Variants in CSMD1 observed in about 807,000 individuals in gnomAD.
CSMD1 encodes the protein CUB and Sushi multiple domains 1, also known as CUB and sushi domain-containing protein 1.
A neutral mutation model predicts 417.5 loss-of-function variants in CSMD1; 213 were observed. The ratio of observed to expected loss-of-function variants is 0.51; its 90% CI spans 0.46 to 0.57. The LOEUF (loss-of-function observed/expected upper bound fraction) is 0.57. CSMD1 is among the 20% of genes least tolerant of loss of function. The probability of loss-of-function intolerance (pLI) is 0.00; values close to 1 mark genes in which losing one functional copy is unlikely to be tolerated. For missense variants in CSMD1, 6,923 were observed against 4,529.7 expected, an observed-to-expected ratio of 1.53 and a Z score of -15.17; for synonymous variants, 2,862 against 1,736.8, an observed-to-expected ratio of 1.65 and a Z score of -16.11.
intron 10 of CSMD1, among the ~76,000 whole-genome samples, chr8:3,510,779 C>G (rs1160829842): frequency 2.0e-5 from 3 of 151,720 alleles, no homozygotes; most frequent in African/African-American, 7.3e-5. Context: ...GCTTTTTTGC[C>G]TATGTTTATT....
Position 3,854,110 on chromosome 8 carries a change from G to T in CSMD1, c.819-100068C>A, listed in dbSNP as rs7845131. ...GAAAAATTACATTATACTTTATATA[G>T]TTATATATTATACTTATATATATAA... is the stretch of plus-strand genomic sequence containing the variant. On this transcript the variant is annotated intron_variant, in intron 5 of 69. Transcript: ENST00000635120. Among the ~76,000 whole-genome samples the T allele has an allele frequency of 8.3e-5, 12 of 143,928 alleles. No homozygotes were observed. The East Asian group carries it at 2.0e-3, about 24-fold the overall frequency. 94.4% of individuals were successfully genotyped at this position (143,928 alleles called of 152,430 possible). A position where few individuals can be genotyped will look rare whatever the true frequency, so the allele number is the denominator to read the frequency against.
intron 12 of CSMD1, among the ~76,000 whole-genome samples, chr8:3,424,192 G>T (rs1002565885): frequency 1.6e-4 from 25 of 152,034 alleles, no homozygotes; most frequent in Non-Finnish European, 3.1e-4. Flanking sequence ...TATGATATTT[G>T]TTTAGTACAG....
intron 18 of CSMD1, among the ~76,000 whole-genome samples, chr8:3,386,177 G>A (rs536000165): frequency 6.6e-6 from 1 of 152,146 alleles, no homozygotes; most frequent in South Asian, 2.1e-4. Flanking sequence ...AAATGCCTCA[G>A]CTCATCTGCA....
chr8:3,360,158 T>C (rs1416442978), intron 20 of CSMD1, among the ~76,000 whole-genome samples: 4 of 152,212 alleles, frequency 2.6e-5, no homozygotes, highest in Admixed American at 2.6e-4. Flanking sequence ...TTATTTTCAA[T>C]CTGTAAACCA....
rs80087879 is a variant in CSMD1 at position 4,490,643 on chromosome 8, T to G, written c.303-70578A>C. Among the ~76,000 whole-genome samples, 384 of 152,180 alleles carry G rather than the reference T, an allele frequency of 2.5e-3. 1 individual carries two copies. The highest frequency in any genetic ancestry group is 8.8e-3 in the African/African-American group (366 of 41,518). ...AATCAGGAGAGGGAAAAATGCCCAT[T>G]TGACCCATGCTCAGAATGGTCTTAA... On this transcript the variant is annotated intron_variant, in intron 2 of 69. Coordinates refer to ENST00000635120, the MANE Select transcript of CSMD1 (RefSeq NM_033225.6).
intron 10 of CSMD1, among the ~76,000 whole-genome samples, chr8:3,538,867 TA>T (rs1798317910): frequency 6.6e-6 from 1 of 152,180 alleles, no homozygotes; most frequent in African/African-American, 2.4e-5. Context: ...TAAGTGTTCC[TA>T]GTTGTTCTCT....
intron 5 of CSMD1, among the ~76,000 whole-genome samples, chr8:3,845,475 T>A (rs1425244590): frequency 6.6e-6 from 1 of 152,146 alleles, no homozygotes; most frequent in Admixed American, 6.5e-5. Context: ...AAAATCAGCA[T>A]AAAAGATAGA....
chr8:3,154,240 G>A (rs1819378101), intron 39 of CSMD1, among the ~76,000 whole-genome samples: 1 of 152,178 alleles, frequency 6.6e-6, no homozygotes, highest in South Asian at 2.1e-4. Context: ...CCCGAAGTGA[G>A]GGGATTACAG....
At chr8:3,233,622 T>C (rs748633922) in intron 26 of CSMD1, among the ~76,000 whole-genome samples, 5 of 152,246 alleles carry the variant, frequency 3.3e-5, no homozygotes, top group African/African-American at 7.2e-5. Context: ...TGGCCGTTCA[T>C]ATAGTATTTG....
intron 47 of CSMD1, among the ~76,000 whole-genome samples, chr8:3,093,620 G>T (rs1036114337): frequency 6.6e-6 from 1 of 151,860 alleles, no homozygotes; most frequent in Admixed American, 6.6e-5. Flanking sequence ...GTGAGCTGAG[G>T]TTGTGCCATT....
intron 29 of CSMD1, among the ~76,000 whole-genome samples, chr8:3,214,920 C>T (rs899601409): frequency 2.6e-5 from 4 of 151,934 alleles, no homozygotes; most frequent in Non-Finnish European, 5.9e-5. Context: ...TTTTAAAAAC[C>T]ACATTTTGCT....
intron 6 of CSMD1, among the ~76,000 whole-genome samples, chr8:3,744,025 C>G (rs911038610): frequency 5.9e-5 from 9 of 152,290 alleles, no homozygotes; most frequent in African/African-American, 2.2e-4. Flanking sequence ...ATATCCTGCC[C>G]TTTCCCCTTC....
At chr8:4,212,132 G>A (rs184091112) in intron 3 of CSMD1, among the ~76,000 whole-genome samples, 73 of 151,104 alleles carry the variant, frequency 4.8e-4, no homozygotes, top group African/African-American at 1.7e-3. Flanking sequence ...AGGAGAAGAA[G>A]TGTCCTTTAT....
chr8:3,662,857 G>C (rs765852705), intron 7 of CSMD1, among the ~76,000 whole-genome samples: 13 of 152,114 alleles, frequency 8.5e-5, no homozygotes, highest in Non-Finnish European at 1.8e-4. Context: ...GGGAAAGAGG[G>C]GGGAGAGCAT....
At chr8:3,247,384 A>G (rs1343802114) in intron 26 of CSMD1, among the ~76,000 whole-genome samples, 2 of 152,018 alleles carry the variant, frequency 1.3e-5, no homozygotes, top group South Asian at 2.1e-4. Flanking sequence ...CAGTGAACCC[A>G]TGACATTGTG....
rs115697731 is a variant in CSMD1, at chr8:3,899,361, C to T, written c.818+98542G>A. ...GTGAGTTTGCTGGACAGATTCTCCG[C>T]CCTGGCACAAAGAGTGACTGAACAT... On this transcript the variant is annotated intron_variant, in intron 5 of 69. Coordinates refer to ENST00000635120, the MANE Select transcript of CSMD1 (RefSeq NM_033225.6). Among the ~76,000 whole-genome samples, 346 of 152,230 alleles carry T rather than the reference C, an allele frequency of 2.3e-3. 3 individuals carry two copies. The highest frequency in any genetic ancestry group is 7.7e-3 in the African/African-American group (318 of 41,520).
intron 2 of CSMD1, among the ~76,000 whole-genome samples, chr8:4,555,401 C>G (rs1489723755): frequency 6.6e-6 from 1 of 152,114 alleles, no homozygotes; most frequent in Non-Finnish European, 1.5e-5. Flanking sequence ...GGTTTCCTCT[C>G]CAGCGCAGGT....
At chr8:4,371,302 C>G (rs1802381928) in intron 3 of CSMD1, among the ~76,000 whole-genome samples, 2 of 151,970 alleles carry the variant, frequency 1.3e-5, no homozygotes, top group Admixed American at 6.6e-5. Context: ...CTGGAGAGGC[C>G]AAGATACTCA....
rs1256084833 is a variant in CSMD1 at position 2,966,705 on chromosome 8, T to C, written c.8965A>G (p.Ile2989Val). ...AACAGAATGCCATCACTACTGACAA[T>C]CATTCCGTTGGTGGGTGTGCCAGGG... ...GNPGTPTNGM[I>V]VSSDGILFSS... The change falls in exon 58 of 70, where the codon ATT becomes GTT. Residue 2989 changes from isoleucine to valine, a missense_variant. Physicochemically the swap from Ile to Val is conservative, Grantham distance 29. Transcript: ENST00000635120. 6 of 1,613,740 alleles carry C rather than the reference T, an allele frequency of 3.7e-6. No individual in the cohort carries two copies. Among genetic ancestry groups the C allele is most frequent in the Non-Finnish European group, 5.1e-6 (6 of 1,179,830 alleles).
Sources: gnomAD v4.1 joint callset for allele counts (sites outside exome capture counted in the v4.1 genomes callset) on GRCh38, gnomAD v4.1.1 for gene constraint, MANE v1.5 for transcripts, NCBI Gene and HGNC (gene_info 2026-07-23, HGNC 2026-07-21) for gene names.